ARHGEF10: variants seen among roughly 807,000 people sequenced by gnomAD.
ARHGEF10 encodes Rho guanine nucleotide exchange factor 10.
A neutral mutation model predicts 147.4 loss-of-function variants in ARHGEF10; 140 were observed. That is an observed-to-expected ratio of 0.95 (90% CI 0.83 to 1.09). ARHGEF10 has a LOEUF of 1.09. ARHGEF10 is among the 50% of genes least tolerant of loss of function. The probability of loss-of-function intolerance (pLI) is 0.00; values close to 1 mark genes in which losing one functional copy is unlikely to be tolerated. For missense variants in ARHGEF10, 2,222 were observed against 1,752.7 expected, an observed-to-expected ratio of 1.27 and a Z score of -4.78; for synonymous variants, 902 against 695.8, an observed-to-expected ratio of 1.30 and a Z score of -4.67.
intron 1 of ARHGEF10, among the ~76,000 whole-genome samples, chr8:1,834,240 C>T (rs55954524): frequency 0.15 from 22,289 of 152,280 alleles, 1,925 homozygotes; most frequent in Non-Finnish European, 0.2. Context: ...GATTCTGACC[C>T]GGTTAGCTCG....
intron 11 of ARHGEF10, among the ~76,000 whole-genome samples, chr8:1,890,117 G>C (rs962157542): frequency 7.3e-6 from 1 of 137,362 alleles, no homozygotes; most frequent in Non-Finnish European, 1.6e-5. Flanking sequence ...TGCCGTGTGA[G>C]TTGTGAGAAA....
intron 14 of ARHGEF10, among the ~76,000 whole-genome samples, chr8:1,897,005 G>A (rs1028700495): frequency 6.6e-6 from 1 of 152,000 alleles, no homozygotes; most frequent in Non-Finnish European, 1.5e-5. Context: ...GGCTTCCCCA[G>A]TCGTGGGATG....
intron 18 of ARHGEF10, among the ~76,000 whole-genome samples, chr8:1,920,323 C>T (rs952394291): frequency 1.3e-5 from 2 of 152,150 alleles, no homozygotes; most frequent in Non-Finnish European, 2.9e-5. Context: ...TTTATTTACT[C>T]ATTTATTTAT....
intron 18 of ARHGEF10, among the ~76,000 whole-genome samples, chr8:1,911,279 A>G (rs1563273108): frequency 6.7e-6 from 1 of 149,240 alleles, no homozygotes; most frequent in Non-Finnish European, 1.5e-5. Context: ...TGTTTTGCAT[A>G]CCTGCATTGA....
Position 1,920,324 on chromosome 8 carries a change from A to T in ARHGEF10, c.2144-2640A>T, listed in dbSNP as rs570612680. 2.4e-4 allele frequency among the ~76,000 whole-genome samples: 37 copies of T among 152,286 alleles called. No homozygotes were observed. The South Asian group carries it at 7.7e-3, about 32-fold the overall frequency. ...ATTGCACTTATAATTTTATTTACTCATTTATTTATTAATTTTGATACAAGG... is the reference window on the plus strand; with the variant it reads ...ATTGCACTTATAATTTTATTTACTCTTTTATTTATTAATTTTGATACAAGG... On this transcript the variant is annotated intron_variant, in intron 18 of 28. Transcript: ENST00000349830.
chr8:1,841,854 G>A (rs541425469), intron 1 of ARHGEF10, among the ~76,000 whole-genome samples: 2,435 of 95,494 alleles, frequency 0.025, 90 homozygotes, highest in African/African-American at 0.061. Context: ...TGGGGCCGCG[G>A]CGGGAACTGG....
chr8:1,938,757 G>A (rs1459879590), intron 26 of ARHGEF10, among the ~76,000 whole-genome samples: 3 of 152,106 alleles, frequency 2.0e-5, no homozygotes, highest in Non-Finnish European at 2.9e-5. Context: ...GCAGCATAGC[G>A]AGACCCTATA....
chr8:1,908,751 A>G (rs559272575), intron 17 of ARHGEF10, among the ~76,000 whole-genome samples: 40 of 151,964 alleles, frequency 2.6e-4, no homozygotes, highest in Non-Finnish European at 4.4e-4. Context: ...TATATGTTCT[A>G]TTTATGATAA....
rs533831351 is a variant in ARHGEF10 at position 1,868,136 on chromosome 8, C to T, written c.623-1058C>T. On this transcript the variant is annotated intron_variant, in intron 6 of 28. Transcript: ENST00000349830. ...TATCTAAGAGGAGTAGAAATCTTTA[C>T]TGTGGTTGCAGATAGTAAATGCTAT... 2.0e-5 allele frequency among the ~76,000 whole-genome samples: 3 copies of T among 152,276 alleles called. No homozygotes were observed. The South Asian group carries it at 6.2e-4, about 32-fold the overall frequency.
At chr8:1,874,081 G>T (rs1241531389) in intron 7 of ARHGEF10, among the ~76,000 whole-genome samples, 1 of 152,224 alleles carries the variant, frequency 6.6e-6, no homozygotes, top group Admixed American at 6.5e-5. Context: ...ACATGCCAGG[G>T]TGACTGGATT....
chr8:1,851,196 A>ATTGTTGGCTCCTCAC (rs879464764), intron 2 of ARHGEF10, among the ~76,000 whole-genome samples: 2 of 126,100 alleles, frequency 1.6e-5, no homozygotes, highest in African/African-American at 5.8e-5. Context: ...GACGTACCTC[A>ATTGTTGGCTCCTCAC]ACATCATTAC....
rs528316967 is a variant in ARHGEF10 at position 1,923,789 on chromosome 8, G to A, written c.2403G>A (p.Thr801=). ...TTTCTGGCAGATCTGGGCGACCGAC[G>A]TTCTTTACAGCTGTGTTCAATACGT... ...PGKQDKSGRP[T]FFTAVFNTFT... is the part of the protein sequence containing the mutation. Residue 801 remains threonine (T), a synonymous_variant, in exon 21 of 29, where the codon ACG becomes ACA. Transcript: ENST00000349830. 624 of 1,614,104 alleles carry A rather than the reference G, an allele frequency of 3.9e-4. 11 individuals carry two copies. In the South Asian group the frequency reaches 6.4e-3, roughly 16 times the overall value.
chr8:1,945,881 G>GCGTGCTGGGAGGAGCCT (rs1289250605), intron 27 of ARHGEF10: 2 of 759,740 alleles, frequency 2.6e-6, no homozygotes, highest in Non-Finnish European at 4.3e-6. Flanking sequence ...TGAAGGAGCC[G>GCGTGCTGGGAGGAGCCT]CGTGCTGGGA....
rs530999239 is a variant in ARHGEF10, at chr8:1,898,368, G to A, written c.1558-65G>A. On this transcript the variant is annotated intron_variant, in intron 14 of 28. Transcript: ENST00000349830. ...GTGTTCAGTGTGGTGGGGAGGAGGCGGCCCCAGGGGCAGGGAGGGCATGGC... is the reference window on the plus strand; with the variant it reads ...GTGTTCAGTGTGGTGGGGAGGAGGCAGCCCCAGGGGCAGGGAGGGCATGGC... 2.0e-4 allele frequency: 281 copies of A among 1,425,098 alleles called. No individual in the cohort carries two copies. The African/African-American group carries it at 3.1e-3, about 16-fold the overall frequency. The allele number at this position is 1,425,098 out of a possible 1,614,324, so 88.3% of individuals were successfully genotyped here.
intron 2 of ARHGEF10, among the ~76,000 whole-genome samples, chr8:1,853,206 G>T (rs1208457231): frequency 6.6e-6 from 1 of 152,160 alleles, no homozygotes; most frequent in East Asian, 1.9e-4. Flanking sequence ...GTCCTGAGTG[G>T]GCAGGAGGGG....
Position 1,881,771 on chromosome 8 carries a change from C to T in ARHGEF10, c.961-864C>T, listed in dbSNP as rs552971132. Among the ~76,000 whole-genome samples, 16 of 152,338 alleles carry T rather than the reference C, an allele frequency of 1.1e-4. No homozygotes were observed. In the East Asian group the frequency reaches 2.7e-3, roughly 26 times the overall value. ...TGGTGCCCAGCAGCCCTGCTCCTCA[C>T]GCGGTGGTGTGACCCAGATGAGGAG... On this transcript the variant is annotated intron_variant, in intron 9 of 28. Coordinates refer to ENST00000349830, the MANE Select transcript of ARHGEF10 (RefSeq NM_014629.4).
chr8:1,876,855 T>C (rs1807753758), intron 8 of ARHGEF10, 121 bp downstream of exon 8: 2 of 1,157,972 alleles, frequency 1.7e-6, no homozygotes, highest in Non-Finnish European at 2.6e-6. Flanking sequence ...TGATAAGTAG[T>C]TTGGGGAAAG....
intron 2 of ARHGEF10, among the ~76,000 whole-genome samples, chr8:1,850,332 G>GGC (rs1805019261): frequency 7.2e-6 from 1 of 139,108 alleles, no homozygotes; most frequent in Non-Finnish European, 1.5e-5. Context: ...TGGGGCAACC[G>GGC]TGTGGACAGA....
At chr8:1,828,323 T>C (rs1367514669) in intron 1 of ARHGEF10, among the ~76,000 whole-genome samples, 3 of 152,270 alleles carry the variant, frequency 2.0e-5, no homozygotes, top group South Asian at 2.1e-4. Context: ...CCTCTTAAAG[T>C]GCCTTCCTCC....
Sources: gnomAD v4.1 joint callset for allele counts (sites outside exome capture counted in the v4.1 genomes callset) on GRCh38, gnomAD v4.1.1 for gene constraint, MANE v1.5 for transcripts, NCBI Gene and HGNC (gene_info 2026-07-23, HGNC 2026-07-21) for gene names.